Variants in EIF2AK1 observed in about 807,000 individuals in gnomAD.
EIF2AK1 encodes eukaryotic translation initiation factor 2 alpha kinase 1.
In EIF2AK1, 54 loss-of-function variants were observed where a neutral mutation model predicts 77.9. That is an observed-to-expected ratio of 0.69 (90% confidence interval 0.56 to 0.87). The LOEUF is 0.87. EIF2AK1 is among the 40% of genes least tolerant of loss of function. The pLI is 0.00. For synonymous variants in EIF2AK1, 314 were observed against 290.5 expected (o/e 1.08, Z -0.82); for missense variants, 810 against 768.6 (o/e 1.05, Z -0.64).
intron 6 of EIF2AK1, among the ~76,000 whole-genome samples, chr7:6,045,335 G>A (rs1788415704): frequency 6.6e-6 from 1 of 152,016 alleles, no homozygotes; most frequent in Non-Finnish European, 1.5e-5. Flanking sequence ...CACACTCCTG[G>A]CCTCAAGTGA....
At chr7:6,044,511 G>C in intron 7 of EIF2AK1, 51 bp downstream of exon 7, 2 of 1,480,370 alleles carry the variant, frequency 1.4e-6, no homozygotes, top group Non-Finnish European at 1.9e-6. Context: ...TTTGGTGCAC[G>C]GGCTAAAGTT....
intron 8 of EIF2AK1, among the ~76,000 whole-genome samples, chr7:6,041,666 G>A (rs780063039): frequency 1.3e-5 from 2 of 151,444 alleles, no homozygotes; most frequent in Non-Finnish European, 2.9e-5. Flanking sequence ...ATGGTGAAAC[G>A]CCATCTCTAC....
rs753032085 is a variant in EIF2AK1, at chr7:6,048,817, G to A, written c.439C>T (p.Gln147Ter). 1.3e-6 allele frequency: 2 copies of A among 1,583,922 alleles called. No homozygotes were observed. The highest frequency in any genetic ancestry group is 1.7e-6 in the Non-Finnish European group (2 of 1,171,282). ...QDPCEDISRI[Q>*]KIRSREVALE... is the part of the protein sequence containing the mutation. ...GTTTTTCACACATACCTGATTTTCT[G>A]GATACGAGAAATATCCTCACAAGGA... Residue 147 changes from glutamine to a stop codon, truncating the protein, a stop_gained, in exon 4 of 15, where the codon CAG becomes TAG. Coordinates refer to ENST00000199389, the MANE Select transcript of EIF2AK1 (RefSeq NM_014413.4). LOFTEE classifies it high-confidence loss of function.
chr7:6,026,371 C>A, intron 14 of EIF2AK1: 1 of 479,070 alleles, frequency 2.1e-6, no homozygotes, highest in South Asian at 1.6e-5. Flanking sequence ...GGTGCAAACC[C>A]TGCGGGCCCC....
intron 14 of EIF2AK1, among the ~76,000 whole-genome samples, chr7:6,025,735 A>G (rs1787727187): frequency 6.6e-6 from 1 of 151,688 alleles, no homozygotes; most frequent in African/African-American, 2.4e-5. Flanking sequence ...TCCCAGTTCA[A>G]GTGACTGTCC....
In EIF2AK1 at chr7:6,028,779, A is replaced by G. The variant is rs967185685; in HGVS notation, c.1448-82T>C. The G allele has an allele frequency of 2.1e-6, 3 of 1,438,838 alleles. 1 individual carries two copies. The South Asian group carries it at 3.5e-5, about 17-fold the overall frequency. The allele number at this position is 1,438,838 out of a possible 1,614,324, so 89.1% of individuals were successfully genotyped here. On this transcript the variant is annotated intron_variant, in intron 12 of 14. Coordinates refer to ENST00000199389, the MANE Select transcript of EIF2AK1 (RefSeq NM_014413.4). ...AACATTTACTATGAGGAAGCAGTGTAGCTCCTAAGAGAACAACAGTTGCTT... is the reference window on the plus strand; with the variant it reads ...AACATTTACTATGAGGAAGCAGTGTGGCTCCTAAGAGAACAACAGTTGCTT...
intron 7 of EIF2AK1, among the ~76,000 whole-genome samples, chr7:6,044,062 A>G (rs764236687): frequency 4.0e-5 from 6 of 151,322 alleles, no homozygotes; most frequent in Non-Finnish European, 5.9e-5. Context: ...TCGCGCCACT[A>G]CACTCCAGCC....
intron 11 of EIF2AK1, among the ~76,000 whole-genome samples, chr7:6,034,268 C>G (rs957319353): frequency 6.6e-6 from 1 of 151,982 alleles, no homozygotes; most frequent in Non-Finnish European, 1.5e-5. Flanking sequence ...AATCACGCCA[C>G]CACACTCCAG....
intron 1 of EIF2AK1, among the ~76,000 whole-genome samples, chr7:6,055,060 T>C (rs959042522): frequency 4.0e-5 from 6 of 151,816 alleles, no homozygotes; most frequent in African/African-American, 1.5e-4. Context: ...AGGCAGAGGA[T>C]GGCCGGGCGC....
At chr7:6,026,452 T>A (rs974034466) in intron 14 of EIF2AK1, 10 of 608,000 alleles carry the variant, frequency 1.6e-5, no homozygotes, top group African/African-American at 1.3e-4. Context: ...CGCTGTGGGG[T>A]TGGCCCCCAG....
chr7:6,027,590 G>A lies in EIF2AK1; in HGVS notation c.1531-629C>T, dbSNP rs1027686758. 6.6e-6 allele frequency among the ~76,000 whole-genome samples: 1 copy of A among 152,108 alleles called. No individual in the cohort carries two copies. The highest frequency in any genetic ancestry group is 2.1e-4 in the South Asian group (1 of 4,828). On this transcript the variant is annotated intron_variant, in intron 13 of 14. Transcript: ENST00000199389. This position sits in a 1 kb window ranked among gnomAD's most constrained non-coding sequence, Gnocchi z 4.5. ...ATTTTAGCATTTCTTCCAGGAACAA[G>A]GGAGATTCAAACTTTACAGCATGTT...
At chr7:6,055,573 T>C (rs1788727755) in intron 1 of EIF2AK1, among the ~76,000 whole-genome samples, 1 of 150,904 alleles carries the variant, frequency 6.6e-6, no homozygotes, top group South Asian at 2.1e-4. Flanking sequence ...CCGAACCCCA[T>C]CCTCTTTGCA....
intron 2 of EIF2AK1, 94 bp downstream of exon 2, chr7:6,054,452 C>G (rs1390699431): frequency 7.0e-7 from 1 of 1,431,806 alleles, no homozygotes. Flanking sequence ...GATCCGCCCA[C>G]CTCAGCCTCC....
intron 2 of EIF2AK1, among the ~76,000 whole-genome samples, chr7:6,050,392 G>A (rs1367235358): frequency 1.3e-5 from 2 of 151,512 alleles, no homozygotes; most frequent in Admixed American, 6.6e-5. Context: ...ACGGGGTTTC[G>A]CCACATTGGC....
chr7:6,052,637 CTT>C (rs530560578), intron 2 of EIF2AK1, among the ~76,000 whole-genome samples: 4 of 113,254 alleles, frequency 3.5e-5, no homozygotes, highest in Non-Finnish European at 7.4e-5. Context: ...TGGAACTATT[CTT>C]TTTTTTTTTT....
At chr7:6,024,933 A>G (rs923632206) in intron 14 of EIF2AK1, 132 bp from the exon 15 acceptor site, 1 of 592,926 alleles carries the variant, frequency 1.7e-6, no homozygotes, top group African/African-American at 2.0e-5. Context: ...GTGCCTCCCC[A>G]GTTCAAGCTA....
Position 6,033,886 on chromosome 7 carries a change from T to G in EIF2AK1, c.1332+3538A>C, listed in dbSNP as rs1464335044. 6.6e-6 allele frequency among the ~76,000 whole-genome samples: 1 copy of G among 151,986 alleles called. No homozygotes were observed. Among genetic ancestry groups the G allele is most frequent in the African/African-American group, 2.4e-5 (1 of 41,402 alleles). ...GCCTGGCCGACAATGGATTTTCTTG[T>G]TTATTACTCTCCACTAGAAGGTAAG... On this transcript the variant is annotated intron_variant, in intron 11 of 14. Transcript: ENST00000199389. This position sits in a 1 kb window ranked among gnomAD's most constrained non-coding sequence, Gnocchi z 4.4.
rs1251829339 is a variant in EIF2AK1 at position 6,036,147 on chromosome 7, C to T, written c.1332+1277G>A. 2.6e-6 allele frequency: 4 copies of T among 1,550,196 alleles called. No homozygotes were observed. The highest frequency in any genetic ancestry group is 3.5e-6 in the Non-Finnish European group (4 of 1,146,840). On this transcript the variant is annotated intron_variant, in intron 11 of 14. Transcript: ENST00000199389. The surrounding 1 kb of genome is among the most constrained non-coding windows in gnomAD (Gnocchi z 4.6). ...GGCCAGGCTACTTTATCACACTTATCCTCTGAGAATGACCAATAACCAAGG... is the reference window on the plus strand; with the variant it reads ...GGCCAGGCTACTTTATCACACTTATTCTCTGAGAATGACCAATAACCAAGG...
At chr7:6,046,827 G>T in intron 5 of EIF2AK1, 165 bp downstream of exon 5, 1 of 545,252 alleles carries the variant, frequency 1.8e-6, no homozygotes. Flanking sequence ...GCTTGAACCA[G>T]GGAGTCAGAG....
Sources: allele counts gnomAD v4.1 joint callset (sites outside exome capture counted in the v4.1 genomes callset), GRCh38; gene constraint gnomAD v4.1.1; non-coding constraint Gnocchi (gnomAD v3.1); transcripts MANE v1.5; gene names NCBI Gene and HGNC (gene_info 2026-07-23, HGNC 2026-07-21).